LAMA2: variants seen among roughly 807,000 people sequenced by gnomAD.
LAMA2 encodes the protein laminin subunit alpha-2.
In LAMA2, 269 loss-of-function variants were observed where a neutral mutation model predicts 364.8. The ratio of observed to expected loss-of-function variants is 0.74; its 90% CI spans 0.67 to 0.82. LAMA2 has a LOEUF of 0.82. LAMA2 is among the 40% of genes least tolerant of loss of function. The probability of loss-of-function intolerance (pLI) is 0.00; values close to 1 mark genes in which losing one functional copy is unlikely to be tolerated. For missense variants in LAMA2, 3,807 were observed against 3,873.2 expected (o/e 0.98, Z 0.45); for synonymous variants, 1,379 against 1,370.6 (o/e 1.01, Z -0.14).
chr6:128,958,152 A>G (rs1781268980), intron 1 of LAMA2, among the ~76,000 whole-genome samples: 1 of 152,118 alleles, frequency 6.6e-6, no homozygotes, highest in African/African-American at 2.4e-5. Flanking sequence ...TAATGAATCA[A>G]AAACAATGTC....
At chr6:129,455,365 G>A (rs1782904962) in intron 47 of LAMA2, among the ~76,000 whole-genome samples, 1 of 152,100 alleles carries the variant, frequency 6.6e-6, no homozygotes, top group Non-Finnish European at 1.5e-5. Context: ...CGTGTTTGGT[G>A]GTGTTGAGGG....
chr6:129,353,782 T>C (rs1004460073), intron 32 of LAMA2, among the ~76,000 whole-genome samples: 18 of 152,214 alleles, frequency 1.2e-4, no homozygotes, highest in African/African-American at 4.3e-4. Context: ...ACAACTGATG[T>C]TTCTTTTCCC....
intron 40 of LAMA2, 23 bp from the exon 41 acceptor site, chr6:129,427,729 G>A (rs1042266231): frequency 6.5e-7 from 1 of 1,527,966 alleles, no homozygotes; most frequent in Non-Finnish European, 9.1e-7. Context: ...TTAGATGTAT[G>A]ACATTTGTTT....
intron 24 of LAMA2, among the ~76,000 whole-genome samples, chr6:129,315,123 A>G (rs183520742): frequency 1.3e-3 from 193 of 152,328 alleles, no homozygotes; most frequent in African/African-American, 4.4e-3. Context: ...TAACACACCA[A>G]TGAGAACCAG....
chr6:129,280,175 A>G, intron 18 of LAMA2, 28 bp downstream of exon 18: 1 of 1,403,346 alleles, frequency 7.1e-7, no homozygotes, highest in Non-Finnish European at 1.0e-6. Flanking sequence ...TGTCTTGCAA[A>G]ATGATTTCTA....
At chr6:129,424,901 T>G (rs1781251482) in intron 40 of LAMA2, among the ~76,000 whole-genome samples, 1 of 152,020 alleles carries the variant, frequency 6.6e-6, no homozygotes, top group Non-Finnish European at 1.5e-5. Context: ...CAAAAATTTG[T>G]ACACAGATGT....
chr6:129,489,181 A>G lies in LAMA2; in HGVS notation c.7898+2559A>G, dbSNP rs563868624. On this transcript the variant is annotated intron_variant, in intron 56 of 64. Transcript: ENST00000421865. The stretch of plus-strand genomic sequence containing the variant: ...TTATCCCAACACTTTTCAGATTTTC[A>G]GACTATGCATGTCAGTCATCATTTC... Among the ~76,000 whole-genome samples, 8 of 152,368 alleles carry G rather than the reference A, an allele frequency of 5.3e-5. No homozygotes were observed. The South Asian group carries it at 1.7e-3, about 32-fold the overall frequency.
At chr6:129,280,715 T>C (rs1289331013) in intron 18 of LAMA2, among the ~76,000 whole-genome samples, 2 of 152,228 alleles carry the variant, frequency 1.3e-5, no homozygotes, top group East Asian at 3.9e-4. Flanking sequence ...TTATGTAATT[T>C]GTGTGATTAT....
chr6:129,255,177 G>A (rs1001340358), intron 14 of LAMA2, among the ~76,000 whole-genome samples: 7 of 152,004 alleles, frequency 4.6e-5, no homozygotes, highest in Admixed American at 2.0e-4. Context: ...GGAGGCTGAG[G>A]CAGGCAGATC....
chr6:129,196,602 C>T (rs1280442124), intron 12 of LAMA2, among the ~76,000 whole-genome samples: 1 of 152,136 alleles, frequency 6.6e-6, no homozygotes, highest in Non-Finnish European at 1.5e-5. Flanking sequence ...TTCTTTGCTC[C>T]ATAGTCCTCA....
At chr6:128,894,527 A>T (rs1264361776) in intron 1 of LAMA2, among the ~76,000 whole-genome samples, 1 of 152,198 alleles carries the variant, frequency 6.6e-6, no homozygotes, top group Non-Finnish European at 1.5e-5. Context: ...CCATAGTTAG[A>T]TCCTTTTTGT....
intron 22 of LAMA2, among the ~76,000 whole-genome samples, chr6:129,305,902 C>A (rs1394969345): frequency 6.6e-6 from 1 of 151,420 alleles, no homozygotes; most frequent in Non-Finnish European, 1.5e-5. Context: ...ATTAAATATA[C>A]CTATTCATTT....
At chr6:128,931,764 T>C (rs1419299903) in intron 1 of LAMA2, among the ~76,000 whole-genome samples, 1 of 152,220 alleles carries the variant, frequency 6.6e-6, no homozygotes, top group African/African-American at 2.4e-5. Flanking sequence ...TTTCAAGCAT[T>C]TCTTTGTGGC....
chr6:129,019,250 T>C (rs1018190907), intron 1 of LAMA2, among the ~76,000 whole-genome samples: 1 of 151,798 alleles, frequency 6.6e-6, no homozygotes, highest in Non-Finnish European at 1.5e-5. Context: ...GGCAGGCCCA[T>C]TCAATTTATA....
intron 40 of LAMA2, among the ~76,000 whole-genome samples, chr6:129,427,482 G>A (rs1781379051): frequency 6.6e-6 from 1 of 152,018 alleles, no homozygotes. Flanking sequence ...TTTCCTCTGT[G>A]GAATGCCAGT....
intron 12 of LAMA2, among the ~76,000 whole-genome samples, chr6:129,222,458 C>T (rs534309549): frequency 1.3e-5 from 2 of 151,080 alleles, no homozygotes; most frequent in Non-Finnish European, 3.0e-5. Context: ...TCGTTATTTA[C>T]GTTAGGTATA....
At chr6:129,171,599 C>T (rs1403066385) in intron 9 of LAMA2, among the ~76,000 whole-genome samples, 6 of 151,602 alleles carry the variant, frequency 4.0e-5, no homozygotes, top group Admixed American at 3.3e-4. Context: ...TCTCTGGCTG[C>T]CCTTAACATT....
At chr6:129,255,405 C>CA (rs5879934) in intron 14 of LAMA2, among the ~76,000 whole-genome samples, 6,438 of 33,750 alleles carry the variant, frequency 0.19, 2,254 homozygotes, top group East Asian at 0.36. Context: ...GACTCTGTCT[C>CA]AAAAAAAAAA....
At chr6:129,037,502 A>G (rs932978888) in intron 1 of LAMA2, among the ~76,000 whole-genome samples, 12 of 152,150 alleles carry the variant, frequency 7.9e-5, no homozygotes, top group African/African-American at 2.4e-4. Flanking sequence ...GGTCTTTACA[A>G]ACTTGACTAT....
Sources: gnomAD v4.1 joint callset for allele counts (sites outside exome capture counted in the v4.1 genomes callset) on GRCh38, gnomAD v4.1.1 for gene constraint, MANE v1.5 for transcripts, NCBI Gene and HGNC (gene_info 2026-07-23, HGNC 2026-07-21) for gene names.